ZNF138: variants seen among roughly 807,000 people sequenced by gnomAD.
The protein encoded by ZNF138 is zinc finger protein 138 (clone pHZ-32).
In ZNF138, 33 loss-of-function variants were observed where a neutral mutation model predicts 33.0. That is an observed-to-expected ratio of 1.00 (90% CI 0.76 to 1.34). The LOEUF is 1.34. Ranked by LOEUF, ZNF138 falls within the 40% of genes most tolerant of loss-of-function variation. The pLI is 0.00. For missense variants in ZNF138, 360 were observed against 370.8 expected, an observed-to-expected ratio of 0.97 and a Z score of 0.24; for synonymous variants, 139 against 120.4, an observed-to-expected ratio of 1.15 and a Z score of -1.01.
intron 1 of ZNF138, among the ~76,000 whole-genome samples, chr7:64,799,077 GT>G (rs1438792959): frequency 1.3e-5 from 2 of 151,824 alleles, no homozygotes; most frequent in African/African-American, 2.4e-5. Flanking sequence ...TTTTAGTTCT[GT>G]TAAGAATGTT....
chr7:64,831,147 A>T lies in ZNF138; in HGVS notation c.209-304A>T. The T allele has an allele frequency of 2.0e-6, 3 of 1,520,342 alleles. No homozygotes were observed. The South Asian group carries it at 3.7e-5, about 19-fold the overall frequency. 94.2% of individuals were successfully genotyped at this position (1,520,342 alleles called of 1,614,324 possible). On this transcript the variant is annotated intron_variant, in intron 3 of 3. Transcript: ENST00000307355. ...TTGGCAGTTTACTTCTAGAGGCACT[A>T]TGTTATATCGGGGAACAGAAAGAGC...
the ZNF138 span, among the ~76,000 whole-genome samples, chr7:64,853,752 A>G: frequency 2.0e-5 from 3 of 152,140 alleles, no homozygotes; most frequent in African/African-American, 4.8e-5. Flanking sequence ...AGCATTAACC[A>G]TAATACTTTA....
intron 1 of ZNF138, among the ~76,000 whole-genome samples, chr7:64,804,343 T>G (rs1035346567): frequency 2.6e-5 from 4 of 152,200 alleles, no homozygotes; most frequent in Admixed American, 6.5e-5. Context: ...ATGTACCCCC[T>G]GCTTGCTCAA....
chr7:64,821,804 CA>C (rs775142228), intron 3 of ZNF138, among the ~76,000 whole-genome samples: 19 of 151,566 alleles, frequency 1.3e-4, no homozygotes, highest in African/African-American at 4.6e-4. Flanking sequence ...CTTGGCCTCC[CA>C]AAGTGTTGGG....
At chr7:64,828,817 GTC>G (rs1789853110) in intron 3 of ZNF138, among the ~76,000 whole-genome samples, 1 of 150,164 alleles carries the variant, frequency 6.7e-6, no homozygotes, top group Non-Finnish European at 1.5e-5. Flanking sequence ...GTACTTTATT[GTC>G]TCTCGACATT....
At chr7:64,848,906 A>C in the ZNF138 span, among the ~76,000 whole-genome samples, 2 of 151,856 alleles carry the variant, frequency 1.3e-5, no homozygotes, top group Admixed American at 6.6e-5. Flanking sequence ...GCATTTCCCT[A>C]TGTTAGCCAG....
chr7:64,809,514 CA>C (rs1414856956), intron 1 of ZNF138, among the ~76,000 whole-genome samples: 77 of 288 alleles, frequency 0.27, 33 homozygotes, highest in Admixed American at 0.35. Flanking sequence ...ACCTCCCTCC[CA>C]GGATGGGGCG....
the ZNF138 span, among the ~76,000 whole-genome samples, chr7:64,845,430 G>A: frequency 6.6e-6 from 1 of 152,130 alleles, no homozygotes; most frequent in Non-Finnish European, 1.5e-5. Context: ...TTTTGCTCCG[G>A]GTAGACACCC....
downstream of ZNF138, chr7:64,835,625 A>G (rs1790345674): frequency 6.6e-6 from 1 of 152,124 alleles, no homozygotes; most frequent in Non-Finnish European, 1.5e-5. Flanking sequence ...TAATAGCAGC[A>G]TTCTTCCTGT....
rs141320136 is a variant in ZNF138, at chr7:64,831,802, A to G, written c.560A>G (p.Lys187Arg). 287 of 1,613,498 alleles carry G rather than the reference A, an allele frequency of 1.8e-4. 5 individuals carry two copies. Among genetic ancestry groups the G allele is most frequent in the African/African-American group, 1.6e-3 (123 of 75,016 alleles). ...CMLSRLTQHK[K>R]IHTRENFYKC... Reference sequence around the variant, plus strand: ...CTTTCACGCCTAACTCAACATAAAAAAATTCATACTAGAGAGAATTTCTAC... The same window carrying G: ...CTTTCACGCCTAACTCAACATAAAAGAATTCATACTAGAGAGAATTTCTAC... Residue 187 changes from lysine (K) to arginine (R), a missense_variant, in exon 4 of 4, where the codon AAA (lysine) becomes AGA (arginine). Coordinates refer to ENST00000307355, the MANE Select transcript of ZNF138 (RefSeq NM_001271639.2).
In ZNF138 at chr7:64,832,317, G is replaced by A. The variant is rs6460195; in HGVS notation, c.*115G>A. The A allele has an allele frequency of 0.35, 543,195 of 1,572,506 alleles. 97,206 individuals are homozygous for A. The highest frequency in any genetic ancestry group is 0.37 in the Middle Eastern group (2,186 of 5,844). ...TATTACACATAAGATAATTCATAGC[G>A]GAGAGAAACCCCACAAATGTGAAGA... On this transcript the variant is annotated 3_prime_UTR_variant, in exon 4 of 4. Coordinates refer to ENST00000307355, the MANE Select transcript of ZNF138 (RefSeq NM_001271639.2).
At chr7:64,857,941 A>T in the ZNF138 span, among the ~76,000 whole-genome samples, 2 of 152,222 alleles carry the variant, frequency 1.3e-5, no homozygotes, top group African/African-American at 4.8e-5. Context: ...AAAGCGTTTG[A>T]TATTGTAGAA....
At chr7:64,798,425 G>T (rs891797073) in intron 1 of ZNF138, among the ~76,000 whole-genome samples, 1 of 152,154 alleles carries the variant, frequency 6.6e-6, no homozygotes, top group East Asian at 1.9e-4. Flanking sequence ...GAAAAATTCG[G>T]CTATTTTTTT....
chr7:64,802,917 T>TA (rs200422747), intron 1 of ZNF138, among the ~76,000 whole-genome samples: 6,649 of 146,010 alleles, frequency 0.046, 203 homozygotes, highest in East Asian at 0.15. Flanking sequence ...TGTCTTATGT[T>TA]AAAAAAAAAA....
At chr7:64,847,545 C>T in the ZNF138 span, among the ~76,000 whole-genome samples, 3 of 151,756 alleles carry the variant, frequency 2.0e-5, no homozygotes, top group African/African-American at 7.3e-5. Context: ...GTGTTAGGTG[C>T]ATATATATTT....
At chr7:64,838,897 G>C in the ZNF138 span, among the ~76,000 whole-genome samples, 6 of 73,160 alleles carry the variant, frequency 8.2e-5, no homozygotes, top group African/African-American at 2.3e-4. Context: ...GTAAGATGGC[G>C]GCGGTGAGGA....
At chr7:64,860,274 T>C in the ZNF138 span, among the ~76,000 whole-genome samples, 1 of 152,242 alleles carries the variant, frequency 6.6e-6, no homozygotes, top group Admixed American at 6.5e-5. Flanking sequence ...ATTATACTTT[T>C]GTGGCAAAAA....
chr7:64,830,481 T>G (rs1168807802), intron 3 of ZNF138, among the ~76,000 whole-genome samples: 1 of 152,080 alleles, frequency 6.6e-6, no homozygotes, highest in Non-Finnish European at 1.5e-5. Flanking sequence ...GCATCTTTTT[T>G]TGTTTTGTTT....
At chr7:64,817,854 T>C (rs1788785747) in intron 3 of ZNF138, among the ~76,000 whole-genome samples, 2 of 152,142 alleles carry the variant, frequency 1.3e-5, no homozygotes, top group African/African-American at 4.8e-5. Flanking sequence ...TGGAAGTAAA[T>C]TAGTTAATTA....
Sources: gnomAD v4.1 joint callset for allele counts (sites outside exome capture counted in the v4.1 genomes callset) on GRCh38, gnomAD v4.1.1 for gene constraint, MANE v1.5 for transcripts, NCBI Gene and HGNC (gene_info 2026-07-23, HGNC 2026-07-21) for gene names.